Variants in ZNF91 observed in about 807,000 individuals in gnomAD.
The protein encoded by ZNF91 is zinc finger protein 91 (HPF7, HTF10).
In ZNF91, 7 loss-of-function variants were observed where a neutral mutation model predicts 12.6. The ratio of observed to expected loss-of-function variants is 0.55; its 90% CI spans 0.31 to 1.04. The LOEUF is 1.04. ZNF91 is among the 50% of genes least tolerant of loss of function. The pLI is 0.05. For synonymous variants in ZNF91, 453 were observed against 462.6 expected, an observed-to-expected ratio of 0.98 and a Z score of 0.27; for missense variants, 1,217 against 1,385.4, an observed-to-expected ratio of 0.88 and a Z score of 1.93.
At chr19:23,373,333 A>G (rs1293099613) in intron 3 of ZNF91, among the ~76,000 whole-genome samples, 2 of 136,458 alleles carry the variant, frequency 1.5e-5, no homozygotes, top group African/African-American at 2.7e-5. Flanking sequence ...TGCTTTTTGT[A>G]GATCATGTAA....
chr19:23,340,895 C>A (rs1327361842), intron 3 of ZNF91, among the ~76,000 whole-genome samples: 1 of 150,994 alleles, frequency 6.6e-6, no homozygotes, highest in Non-Finnish European at 1.5e-5. Flanking sequence ...TCAGTACTTA[C>A]AAATAACTCA....
chr19:23,326,012 C>T (rs1466459300), intron 1 of ZNF91: 1 of 152,196 alleles, frequency 6.6e-6, no homozygotes, highest in Non-Finnish European at 1.5e-5. Flanking sequence ...TCTCTGTCTT[C>T]CACATCACTG....
intron 1 of ZNF91, among the ~76,000 whole-genome samples, chr19:23,391,905 A>G (rs916517290): frequency 6.6e-6 from 1 of 152,170 alleles, no homozygotes; most frequent in African/African-American, 2.4e-5. Flanking sequence ...TTTCTATGTC[A>G]GAGTTATTAA....
At chr19:23,363,948 T>C (rs536629421) in intron 3 of ZNF91, among the ~76,000 whole-genome samples, 22 of 151,984 alleles carry the variant, frequency 1.4e-4, no homozygotes, top group African/African-American at 5.1e-4. Context: ...AAGATATTTA[T>C]AACAAACACA....
chr19:23,311,918 A>T (rs1475464331), upstream of ZNF91, among the ~76,000 whole-genome samples: 1 of 150,838 alleles, frequency 6.6e-6, no homozygotes, highest in Non-Finnish European at 1.5e-5. Context: ...AAAAAAAAAA[A>T]GTACTGTGAC....
intron 1 of ZNF91, among the ~76,000 whole-genome samples, chr19:23,330,261 G>A (rs900536387): frequency 5.9e-5 from 9 of 152,024 alleles, no homozygotes; most frequent in Non-Finnish European, 8.8e-5. Flanking sequence ...AACCTGGGAG[G>A]TGGAGGTTGC....
chr19:23,353,932 A>G (rs1257880994), downstream of ZNF91, among the ~76,000 whole-genome samples: 1 of 152,190 alleles, frequency 6.6e-6, no homozygotes, highest in Non-Finnish European at 1.5e-5. Flanking sequence ...AAAAACAAGC[A>G]GTGAGATTAA....
intron 3 of ZNF91, chr19:23,339,984 TG>T (rs1968089335): frequency 6.8e-6 from 1 of 147,002 alleles, no homozygotes; most frequent in Non-Finnish European, 1.5e-5. Flanking sequence ...TAAAAATTTG[TG>T]GGAAAAAAGA....
At chr19:23,369,800 AAGGC>A (rs1215002160) in intron 3 of ZNF91, among the ~76,000 whole-genome samples, 4 of 151,280 alleles carry the variant, frequency 2.6e-5, no homozygotes, top group Non-Finnish European at 5.9e-5. Flanking sequence ...CAGATGCTTG[AAGGC>A]AGCATGCTCG....
chr19:23,391,261 T>C (rs1441501381), intron 1 of ZNF91, among the ~76,000 whole-genome samples: 3 of 152,256 alleles, frequency 2.0e-5, no homozygotes, highest in Admixed American at 2.0e-4. Flanking sequence ...GACTTTGTCT[T>C]CAGTGGTAAA....
At chr19:23,393,939 G>A (rs933334489) in intron 1 of ZNF91, among the ~76,000 whole-genome samples, 3 of 152,176 alleles carry the variant, frequency 2.0e-5, no homozygotes, top group African/African-American at 7.2e-5. Flanking sequence ...GGCGGAGGTT[G>A]TAGTGAGCCT....
intron 3 of ZNF91, among the ~76,000 whole-genome samples, chr19:23,368,708 G>A (rs1174684018): frequency 6.6e-6 from 1 of 151,840 alleles, no homozygotes; most frequent in African/African-American, 2.4e-5. Flanking sequence ...ACATTTAATA[G>A]AGAAATAATG....
chr19:23,357,349 G>A (rs184226135), downstream of ZNF91, among the ~76,000 whole-genome samples: 363 of 152,266 alleles, frequency 2.4e-3, 1 homozygote, highest in South Asian at 0.018. Context: ...ATTTGCATGG[G>A]GAGACTCTGA....
At position 23,360,399 on chromosome 19, in the gene ZNF91, G is replaced by A. The variant is rs1316140112; in HGVS notation, c.2580C>T (p.Gly860=). 2 of 1,613,910 alleles carry A rather than the reference G, an allele frequency of 1.2e-6. No individual in the cohort carries two copies. Among genetic ancestry groups the A allele is most frequent in the Non-Finnish European group, 1.7e-6 (2 of 1,180,004 alleles). The change falls in exon 4 of 4, where the codon GGC becomes GGT. Residue 860 remains glycine (G), a synonymous_variant. Transcript: ENST00000300619. ...GATTTGAAGATTGATTAAAAGCTTT[G>A]CCACATTCCTCACATTTGTAGAGTT... is the stretch of plus-strand genomic sequence containing the variant. ...GEKLYKCEEC[G]KAFNQSSNLT...
rs371137576 is a variant in ZNF91, at chr19:23,360,403, C to G, written c.2576G>C (p.Cys859Ser). 52 of 1,613,984 alleles carry G rather than the reference C, an allele frequency of 3.2e-5. No homozygotes were observed. The African/African-American group carries it at 6.4e-4, about 20-fold the overall frequency. Residue 859 changes from cysteine (C) to serine (S), a missense_variant, in exon 4 of 4, where the codon TGT becomes TCT. By Grantham distance (112) the Cys-to-Ser change is moderately radical. Transcript: ENST00000300619. ...TGAAGATTGATTAAAAGCTTTGCCA[C>G]ATTCCTCACATTTGTAGAGTTTCTC... ...AGEKLYKCEE[C>S]GKAFNQSSNL...
intron 3 of ZNF91, among the ~76,000 whole-genome samples, chr19:23,373,387 AAT>A (rs1476278109): frequency 6.4e-5 from 5 of 78,042 alleles, no homozygotes; most frequent in Non-Finnish European, 1.5e-4. Context: ...TATATATATA[AAT>A]AAACAGTACT....
intron 1 of ZNF91, among the ~76,000 whole-genome samples, chr19:23,393,010 G>A (rs1970115718): frequency 6.6e-6 from 1 of 152,062 alleles, no homozygotes; most frequent in South Asian, 2.1e-4. Context: ...TACTCTGCAA[G>A]TTCTTACGCC....
chr19:23,378,466 C>A (rs1006565912), intron 1 of ZNF91, among the ~76,000 whole-genome samples: 1 of 151,656 alleles, frequency 6.6e-6, no homozygotes, highest in African/African-American at 2.4e-5. Context: ...AAAACAAAAA[C>A]GAAAACAGAA....
At chr19:23,376,226 T>C (rs932455104) in intron 1 of ZNF91, among the ~76,000 whole-genome samples, 2 of 152,150 alleles carry the variant, frequency 1.3e-5, no homozygotes, top group African/African-American at 4.8e-5. Flanking sequence ...ATCCACACCT[T>C]TCCATGTTCA....
Sources: gnomAD v4.1 joint callset for allele counts (sites outside exome capture counted in the v4.1 genomes callset) on GRCh38, gnomAD v4.1.1 for gene constraint, MANE v1.5 for transcripts, NCBI Gene and HGNC (gene_info 2026-07-23, HGNC 2026-07-21) for gene names.